The following ITSN1 variants were observed in gnomAD, a reference collection of about 807,000 sequenced individuals.
ITSN1 encodes intersectin-1.
Under a neutral mutation model 239.8 loss-of-function variants are expected in ITSN1, and 58 were observed. The ratio of observed to expected loss-of-function variants is 0.24; its 90% CI spans 0.20 to 0.30. ITSN1 has a LOEUF of 0.30. ITSN1 is among the 10% of genes least tolerant of loss of function. The pLI is 1.00. For synonymous variants in ITSN1, 780 were observed against 770.8 expected, an observed-to-expected ratio of 1.01 and a Z score of -0.20; for missense variants, 1,558 against 2,103.3, an observed-to-expected ratio of 0.74 and a Z score of 5.07.
intron 29 of ITSN1, chr21:33,838,527 T>C (rs2074710486): frequency 1.1e-6 from 1 of 928,804 alleles, no homozygotes; most frequent in Admixed American, 6.2e-5. Flanking sequence ...TTCTTGATGT[T>C]GGAACCTGGC....
At chr21:33,832,024 C>T (rs551829626) in intron 27 of ITSN1, among the ~76,000 whole-genome samples, 21 of 152,280 alleles carry the variant, frequency 1.4e-4, no homozygotes, top group Admixed American at 7.8e-4. Context: ...ACGTGGGAGA[C>T]TCCCATCGCC....
At chr21:33,643,061 G>A (rs2087557555) in intron 1 of ITSN1, among the ~76,000 whole-genome samples, 1 of 150,018 alleles carries the variant, frequency 6.7e-6, no homozygotes, top group African/African-American at 2.4e-5. Flanking sequence ...CGGGGACCCC[G>A]GGCGGCCGCT....
At position 33,894,063 on chromosome 21, in the gene ITSN1, A is replaced by G. The variant is rs1986543763; in HGVS notation, c.*5763A>G. 2 of 152,262 alleles carry G rather than the reference A, an allele frequency of 1.3e-5. No individual in the cohort carries two copies. The highest frequency in any genetic ancestry group is 6.5e-5 in the Admixed American group (1 of 15,282). The allele number at this position is 152,262 out of a possible 1,614,324, so 9.4% of individuals were successfully genotyped here. ...CCATCCTGGTCCAGGCCACCCTCCT[A>G]GAAGCTGGGCGGCAGCTGGACGGGC... On this transcript the variant is annotated 3_prime_UTR_variant, in exon 40 of 40. Coordinates refer to ENST00000381318, the MANE Select transcript of ITSN1 (RefSeq NM_003024.3).
At chr21:33,804,130 T>G (rs1354224516) in intron 20 of ITSN1, among the ~76,000 whole-genome samples, 1 of 152,208 alleles carries the variant, frequency 6.6e-6, no homozygotes, top group Non-Finnish European at 1.5e-5. Flanking sequence ...CTTATACTTT[T>G]GTGGGCACAG....
chr21:33,725,252 C>T (rs750874583), intron 4 of ITSN1, among the ~76,000 whole-genome samples: 5 of 150,006 alleles, frequency 3.3e-5, no homozygotes, highest in Non-Finnish European at 4.4e-5. Flanking sequence ...TCTCCTGCCT[C>T]AGCCTCCTGA....
Position 33,706,228 on chromosome 21 carries a change from A to T in ITSN1, c.-32-12569A>T, listed in dbSNP as rs141510425. On this transcript the variant is annotated intron_variant, in intron 1 of 39. Coordinates refer to ENST00000381318, the MANE Select transcript of ITSN1 (RefSeq NM_003024.3). ...GAGATGGGGTTTCGCCATGTTGGCCAGGCTGGTCTGGAACTCCTGACCTCA... is the reference window on the plus strand; with the variant it reads ...GAGATGGGGTTTCGCCATGTTGGCCTGGCTGGTCTGGAACTCCTGACCTCA... Among the ~76,000 whole-genome samples the T allele has an allele frequency of 2.8e-3, 428 of 152,262 alleles. 2 individuals are homozygous for T. The highest frequency in any genetic ancestry group is 9.8e-3 in the African/African-American group (408 of 41,546).
intron 9 of ITSN1, among the ~76,000 whole-genome samples, chr21:33,763,694 G>T (rs1186525939): frequency 6.6e-6 from 1 of 152,080 alleles, no homozygotes; most frequent in East Asian, 1.9e-4. Context: ...TCCTCAAAAG[G>T]CACATAATGT....
At chr21:33,723,239 A>G (rs1051200735) in intron 4 of ITSN1, among the ~76,000 whole-genome samples, 2 of 152,088 alleles carry the variant, frequency 1.3e-5, no homozygotes, top group Non-Finnish European at 2.9e-5. Context: ...GTCCTCTAAG[A>G]TGTCTCATTT....
intron 1 of ITSN1, among the ~76,000 whole-genome samples, chr21:33,684,850 T>C (rs1030144042): frequency 6.6e-6 from 1 of 152,204 alleles, no homozygotes; most frequent in Admixed American, 6.5e-5. Context: ...ATTTAAGAGA[T>C]TAAATTGCTG....
chr21:33,779,918 G>C (rs2070012168), intron 14 of ITSN1, among the ~76,000 whole-genome samples: 2 of 151,750 alleles, frequency 1.3e-5, no homozygotes, highest in Admixed American at 1.3e-4. Context: ...TGCAACCTCT[G>C]CTTCCCGAGT....
chr21:33,812,532 T>G, intron 21 of ITSN1, among the ~76,000 whole-genome samples: 1 of 152,212 alleles, frequency 6.6e-6, no homozygotes. Flanking sequence ...AGGGTCTCAC[T>G]TCATCACCCA....
At chr21:33,653,554 G>A (rs897477880) in intron 1 of ITSN1, among the ~76,000 whole-genome samples, 3 of 151,430 alleles carry the variant, frequency 2.0e-5, no homozygotes, top group South Asian at 2.1e-4. Flanking sequence ...ACAGAGTCTC[G>A]CTCTGTTGCC....
rs149267478 is a variant in ITSN1 at position 33,823,558 on chromosome 21, T to C, written c.3088T>C (p.Leu1030=). The change falls in exon 25 of 40, where the codon TTG becomes CTG. Residue 1030 remains leucine, a synonymous_variant. Coordinates refer to ENST00000381318, the MANE Select transcript of ITSN1 (RefSeq NM_003024.3). ...DLTFQQGDVI[L]VTKKDGDWWT... is the part of the protein sequence containing the mutation. ...AACCTTTCAGCAAGGGGATGTGATT[T>C]TGGTTACCAAGAAAGATGGTGACTG... The C allele has an allele frequency of 7.2e-5, 117 of 1,614,062 alleles. No homozygotes were observed. Among genetic ancestry groups the C allele is most frequent in the Non-Finnish European group, 9.2e-5 (109 of 1,180,028 alleles).
chr21:33,761,192 C>T (rs747514540), intron 8 of ITSN1, among the ~76,000 whole-genome samples: 3 of 152,130 alleles, frequency 2.0e-5, no homozygotes, highest in Non-Finnish European at 4.4e-5. Context: ...CCTCCTACTT[C>T]AGCATCCCGA....
intron 12 of ITSN1, 40 bp downstream of exon 12, chr21:33,772,363 G>A (rs1166145250): frequency 8.4e-6 from 13 of 1,545,170 alleles, no homozygotes; most frequent in African/African-American, 4.1e-5. Context: ...GTTAGTGTGC[G>A]ATCACCCCTT....
intron 1 of ITSN1, among the ~76,000 whole-genome samples, chr21:33,718,143 A>G (rs2065275119): frequency 6.6e-6 from 1 of 152,176 alleles, no homozygotes; most frequent in African/African-American, 2.4e-5. Flanking sequence ...GGATGGTAAT[A>G]ATGGTAACCT....
intron 31 of ITSN1, among the ~76,000 whole-genome samples, chr21:33,861,484 A>C (rs1980514467): frequency 6.6e-6 from 1 of 152,218 alleles, no homozygotes; most frequent in Non-Finnish European, 1.5e-5. Flanking sequence ...GAACACATGG[A>C]CTTCCTACTA....
chr21:33,863,226 G>T (rs1277651633), intron 31 of ITSN1, among the ~76,000 whole-genome samples: 4 of 152,238 alleles, frequency 2.6e-5, no homozygotes, highest in African/African-American at 4.8e-5. Flanking sequence ...AGGCCTGTCT[G>T]CTGGTTGGGT....
At chr21:33,675,548 C>A (rs781023027) in intron 1 of ITSN1, among the ~76,000 whole-genome samples, 1 of 152,090 alleles carries the variant, frequency 6.6e-6, no homozygotes, top group East Asian at 1.9e-4. Context: ...GCCTGGGCGA[C>A]AGAGCGAGAC....
Sources: allele counts gnomAD v4.1 joint callset (sites outside exome capture counted in the v4.1 genomes callset), GRCh38; gene constraint gnomAD v4.1.1; transcripts MANE v1.5; gene names NCBI Gene and HGNC (gene_info 2026-07-23, HGNC 2026-07-21).